MYO5B: variants seen among roughly 807,000 people sequenced by gnomAD.
The protein encoded by MYO5B is unconventional myosin-Vb.
In MYO5B, 143 loss-of-function variants were observed where a neutral mutation model predicts 229.3. The ratio of observed to expected loss-of-function variants is 0.62; its 90% CI spans 0.54 to 0.72. The LOEUF is 0.72. Ranked by LOEUF, MYO5B falls within the 30% of genes least tolerant of loss-of-function variation. MYO5B has a pLI of 0.00. For missense variants in MYO5B, 2,321 were observed against 2,331.0 expected (o/e 1.00, Z 0.09); for synonymous variants, 918 against 885.2 (o/e 1.04, Z -0.66).
chr18:49,996,822 T>G (rs2025992786), intron 5 of MYO5B, among the ~76,000 whole-genome samples: 2 of 152,188 alleles, frequency 1.3e-5, no homozygotes, highest in African/African-American at 4.8e-5. Flanking sequence ...AAATATAGTG[T>G]GGACAAAGGG....
rs1252844645 is a variant in MYO5B at position 49,824,219 on chromosome 18, C to T, written c.*2252G>A. 4 of 152,264 alleles carry T rather than the reference C, an allele frequency of 2.6e-5. No individual in the cohort carries two copies. Among genetic ancestry groups the T allele is most frequent in the Admixed American group, 1.3e-4 (2 of 15,288 alleles). The allele number at this position is 152,264 out of a possible 1,614,324, so 9.4% of individuals were successfully genotyped here. A position where few individuals can be genotyped will look rare whatever the true frequency, so the allele number is the denominator to read the frequency against. ...CCCCTAAAGATGCTTCTTCTAGCCT[C>T]CAAGTATTAAATAAGACAGATCTAA... On this transcript the variant is annotated 3_prime_UTR_variant, in exon 40 of 40. Coordinates refer to ENST00000285039, the MANE Select transcript of MYO5B (RefSeq NM_001080467.3).
At position 49,839,215 on chromosome 18, in the gene MYO5B, A is replaced by G; in HGVS notation, c.4781T>C (p.Leu1594Pro). ...NFDLTEYRQV[L>P]SDLSIQIYQQ... is the part of the protein sequence containing the mutation. ...GTAGATCTGAATGGAAAGGTCACTC[A>G]GCACCTGACGGTATTCGGTGAGGTC... is the stretch of plus-strand genomic sequence containing the variant. Residue 1594 changes from leucine (L) to proline (P), a missense_variant, in exon 36 of 40, where the codon CTG (leucine) becomes CCG (proline). Coordinates refer to ENST00000285039, the MANE Select transcript of MYO5B (RefSeq NM_001080467.3). 1.2e-6 allele frequency: 2 copies of G among 1,614,206 alleles called. No individual in the cohort carries two copies. The highest frequency in any genetic ancestry group is 1.1e-5 in the South Asian group (1 of 91,084).
At chr18:49,832,346 T>C (rs2023932527) in intron 39 of MYO5B, among the ~76,000 whole-genome samples, 1 of 152,224 alleles carries the variant, frequency 6.6e-6, no homozygotes, top group South Asian at 2.1e-4. Flanking sequence ...TTTTATAATA[T>C]GCTCCTTTGT....
chr18:50,156,427 A>C (rs774585830), intron 1 of MYO5B, among the ~76,000 whole-genome samples: 1 of 152,198 alleles, frequency 6.6e-6, no homozygotes, highest in East Asian at 1.9e-4. Flanking sequence ...GTGAGTTCTC[A>C]TGAGATCTGA....
At chr18:49,879,138 A>G (rs761909729) in intron 23 of MYO5B, 48 bp from the exon 24 acceptor site, 2 of 1,612,330 alleles carry the variant, frequency 1.2e-6, no homozygotes, top group Non-Finnish European at 8.5e-7. Flanking sequence ...GGATTCCCTC[A>G]CATGTATTGA....
chr18:50,053,156 C>A (rs1308918709), intron 2 of MYO5B, among the ~76,000 whole-genome samples: 1 of 152,214 alleles, frequency 6.6e-6, no homozygotes, highest in Non-Finnish European at 1.5e-5. Flanking sequence ...AATGATAGCT[C>A]AGAGCCAGCC....
In MYO5B at chr18:50,121,646, C is replaced by T. The variant is rs77954646; in HGVS notation, c.28-66268G>A. Among the ~76,000 whole-genome samples, 1,074 of 152,190 alleles carry T rather than the reference C, an allele frequency of 7.1e-3. 18 individuals are homozygous for T. The highest frequency in any genetic ancestry group is 0.024 in the African/African-American group (990 of 41,500). ...CTATGATCAGGGCCTGCCCTGTGTG[C>T]CTCCTCACTTCATCATTCAATGTAA... On this transcript the variant is annotated intron_variant, in intron 1 of 39. Coordinates refer to ENST00000285039, the MANE Select transcript of MYO5B (RefSeq NM_001080467.3).
At chr18:49,904,343 T>C (rs1568025053) in intron 20 of MYO5B, among the ~76,000 whole-genome samples, 1 of 152,208 alleles carries the variant, frequency 6.6e-6, no homozygotes, top group Non-Finnish European at 1.5e-5. Flanking sequence ...CCTCCCACCA[T>C]GAGTGGAAGC....
At chr18:49,841,510 T>C (rs2024057436) in intron 34 of MYO5B, 56 bp from the exon 35 acceptor site, 1 of 1,445,048 alleles carries the variant, frequency 6.9e-7, no homozygotes, top group African/African-American at 1.4e-5. Flanking sequence ...GGTGAAATGC[T>C]TCCTCGGTAC....
At chr18:50,136,634 A>G (rs2032340821) in intron 1 of MYO5B, among the ~76,000 whole-genome samples, 1 of 152,190 alleles carries the variant, frequency 6.6e-6, no homozygotes, top group African/African-American at 2.4e-5. Flanking sequence ...TTGTGCAACC[A>G]AAGTTGGTAA....
Position 50,135,017 on chromosome 18 carries a change from A to G in MYO5B, c.27+59750T>C, listed in dbSNP as rs1008972915. 3.9e-5 allele frequency among the ~76,000 whole-genome samples: 6 copies of G among 152,310 alleles called. No homozygotes were observed. The South Asian group carries it at 6.2e-4, about 16-fold the overall frequency. On this transcript the variant is annotated intron_variant, in intron 1 of 39. Coordinates refer to ENST00000285039, the MANE Select transcript of MYO5B (RefSeq NM_001080467.3). ...ATTTGGATTGCTCTGCCTGATTGTA[A>G]TAAGTGTGTTCCTCTAAGATAATGC...
At chr18:49,922,003 G>A (rs1447025044) in intron 17 of MYO5B, among the ~76,000 whole-genome samples, 1 of 152,202 alleles carries the variant, frequency 6.6e-6, no homozygotes, top group Non-Finnish European at 1.5e-5. Context: ...GCTAATATGA[G>A]CTGAATCACT....
chr18:49,946,984 T>G (rs200429741), intron 14 of MYO5B, among the ~76,000 whole-genome samples: 4 of 204 alleles, frequency 0.02, no homozygotes, highest in East Asian at 0.12. Context: ...AAATACAAAT[T>G]ATGGTTCCAT....
At chr18:50,028,692 C>A (rs140487704) in intron 4 of MYO5B, among the ~76,000 whole-genome samples, 1 of 152,176 alleles carries the variant, frequency 6.6e-6, no homozygotes, top group Non-Finnish European at 1.5e-5. Context: ...AGAAAGCATC[C>A]TATACTGGGA....
At chr18:50,008,603 T>C (rs1263962785) in intron 4 of MYO5B, among the ~76,000 whole-genome samples, 1 of 152,100 alleles carries the variant, frequency 6.6e-6, no homozygotes, top group Non-Finnish European at 1.5e-5. Context: ...TTTACCTGAA[T>C]TGGAAACTCC....
chr18:49,977,121 C>A, intron 9 of MYO5B, among the ~76,000 whole-genome samples: 1 of 152,178 alleles, frequency 6.6e-6, no homozygotes, highest in East Asian at 1.9e-4. Context: ...TGGGGACCGG[C>A]TTTTAACCAC....
chr18:50,016,767 G>C (rs2026219892), intron 4 of MYO5B, among the ~76,000 whole-genome samples: 1 of 151,766 alleles, frequency 6.6e-6, no homozygotes, highest in Non-Finnish European at 1.5e-5. Flanking sequence ...ACCCCCAAGA[G>C]AAACCCCACA....
intron 4 of MYO5B, among the ~76,000 whole-genome samples, chr18:50,016,055 G>T (rs1265233305): frequency 6.6e-6 from 1 of 152,196 alleles, no homozygotes; most frequent in Non-Finnish European, 1.5e-5. Context: ...CCAACTGGTA[G>T]AGAAGTGACA....
At chr18:49,937,032 G>A (rs1478922445) in intron 15 of MYO5B, among the ~76,000 whole-genome samples, 1 of 152,178 alleles carries the variant, frequency 6.6e-6, no homozygotes, top group Non-Finnish European at 1.5e-5. Context: ...GGAGGCTACG[G>A]TCGGCCCCTT....
Sources: allele counts gnomAD v4.1 joint callset (sites outside exome capture counted in the v4.1 genomes callset), GRCh38; gene constraint gnomAD v4.1.1; transcripts MANE v1.5; gene names NCBI Gene and HGNC (gene_info 2026-07-23, HGNC 2026-07-21).